Variants in LNX1 observed in about 807,000 individuals in gnomAD.
The protein encoded by LNX1 is E3 ubiquitin-protein ligase LNX.
LNX1 carries 54 observed loss-of-function variants against 68.4 expected under a neutral mutation model. That is an observed-to-expected ratio of 0.79 (90% confidence interval 0.63 to 0.99). The LOEUF is 0.99. Among genes scored for constraint, LNX1 ranks in the 50% least tolerant of loss-of-function variants. The probability of loss-of-function intolerance (pLI) is 0.00; values close to 1 mark genes in which losing one functional copy is unlikely to be tolerated. For synonymous variants in LNX1, 336 were observed against 350.0 expected (o/e 0.96, Z 0.45); for missense variants, 906 against 926.4 (o/e 0.98, Z 0.29).
chr4:53,610,539 C>G (rs1268405578), intron 2 of LNX1, among the ~76,000 whole-genome samples: 1 of 151,760 alleles, frequency 6.6e-6, no homozygotes, highest in African/African-American at 2.4e-5. Flanking sequence ...AACCCTGTCT[C>G]TACTAAAAAT....
In LNX1 at chr4:53,629,765, T is replaced by C. The variant is rs561644652; in HGVS notation, c.-215+22403A>G. Among the ~76,000 whole-genome samples the C allele has an allele frequency of 1.0e-3, 152 of 152,314 alleles. 3 individuals are homozygous for C. Among genetic ancestry groups the C allele is most frequent in the South Asian group, 2.1e-3 (10 of 4,824 alleles). On this transcript the variant is annotated intron_variant, in intron 1 of 2. Transcript: ENST00000507168. ...GCAGCTCTTCCCAGCTGATGTCACC[T>C]GGAAAATGTGGAGGCCAACACCCCT... is the stretch of plus-strand genomic sequence containing the variant.
intron 2 of LNX1, among the ~76,000 whole-genome samples, chr4:53,556,356 A>G (rs1729912572): frequency 6.6e-6 from 1 of 152,208 alleles, no homozygotes; most frequent in African/African-American, 2.4e-5. Context: ...TGACACCTTG[A>G]TTCCAAGCTT....
chr4:53,622,372 T>C (rs1170023844), upstream of LNX1, among the ~76,000 whole-genome samples: 1 of 152,220 alleles, frequency 6.6e-6, no homozygotes, highest in Non-Finnish European at 1.5e-5. Flanking sequence ...GCCTTGCATT[T>C]TAATGTCCCG....
At position 53,508,106 on chromosome 4, in the gene LNX1, C is replaced by G. The variant is rs779577868; in HGVS notation, c.502G>C (p.Ala168Pro). 9 of 1,614,130 alleles carry G rather than the reference C, an allele frequency of 5.6e-6. No homozygotes were observed. In the South Asian group the frequency reaches 9.9e-5, roughly 18 times the overall value. ...TCGTCTGTCATTAAGGAGATGGTGG[C>G]AGCTGCAGAAACCTCTGGGGAGGGA... ...TAPSPEVSAA[A>P]TISLMTDEPG... The change falls in exon 3 of 11, where the codon GCC becomes CCC. Residue 168 changes from alanine to proline, a missense_variant. Ala to Pro is a conservative substitution (Grantham distance 27, BLOSUM62 -1). Coordinates refer to ENST00000263925, the MANE Select transcript of LNX1 (RefSeq NM_001126328.3).
chr4:53,592,255 A>T (rs1428290795), upstream of LNX1, among the ~76,000 whole-genome samples: 8 of 152,178 alleles, frequency 5.3e-5, no homozygotes, highest in Admixed American at 4.6e-4. Context: ...TACTGTCATT[A>T]GGCGATGTTG....
intron 1 of LNX1, among the ~76,000 whole-genome samples, chr4:53,643,646 C>A (rs1309244290): frequency 6.6e-6 from 1 of 152,200 alleles, no homozygotes; most frequent in Non-Finnish European, 1.5e-5. Context: ...CCTTTCTCCT[C>A]ATTTTCCTTC....
intron 9 of LNX1, among the ~76,000 whole-genome samples, chr4:53,474,714 T>C (rs6825364): frequency 0.56 from 85,396 of 151,858 alleles, 25,638 homozygotes; most frequent in Non-Finnish European, 0.67. Flanking sequence ...TGCCGGGATA[T>C]CATGCTTCCT....
intron 2 of LNX1, among the ~76,000 whole-genome samples, chr4:53,600,134 A>G (rs185733921): frequency 2.0e-4 from 31 of 152,282 alleles, no homozygotes; most frequent in Admixed American, 1.9e-3. Context: ...TGCTCAGTGG[A>G]TAGGAGCAAA....
At chr4:53,650,628 T>C (rs1272674966) in intron 1 of LNX1, among the ~76,000 whole-genome samples, 2 of 152,162 alleles carry the variant, frequency 1.3e-5, no homozygotes, top group African/African-American at 4.8e-5. Flanking sequence ...GATTCAAAAT[T>C]AGATCTGTCT....
intron 2 of LNX1, among the ~76,000 whole-genome samples, chr4:53,536,597 TC>T (rs1280183465): frequency 1.3e-5 from 2 of 152,222 alleles, no homozygotes; most frequent in Non-Finnish European, 2.9e-5. Context: ...GGCCTCTGTG[TC>T]CCTGGTTTGG....
intron 1 of LNX1, among the ~76,000 whole-genome samples, chr4:53,626,938 A>G (rs971623976): frequency 7.2e-5 from 11 of 152,342 alleles, no homozygotes; most frequent in African/African-American, 2.6e-4. Context: ...AAGCCTGGGA[A>G]GACTGAACCT....
At chr4:53,564,760 A>ACAGTGGGCGCAGGT (rs1730529318) in intron 2 of LNX1, among the ~76,000 whole-genome samples, 1 of 152,080 alleles carries the variant, frequency 6.6e-6, no homozygotes. Flanking sequence ...GGAGTGCCAG[A>ACAGTGGGCGCAGGT]CAGTGGGCGC....
intron 5 of LNX1, among the ~76,000 whole-genome samples, chr4:53,498,263 T>A (rs1369093509): frequency 6.6e-6 from 1 of 152,142 alleles, no homozygotes; most frequent in Admixed American, 6.5e-5. Context: ...AGAAAATATA[T>A]GTCCCAGTTT....
At chr4:53,566,915 T>TA (rs1256310938) in intron 2 of LNX1, among the ~76,000 whole-genome samples, 2 of 152,024 alleles carry the variant, frequency 1.3e-5, no homozygotes, top group Non-Finnish European at 2.9e-5. Context: ...TACATAATGG[T>TA]AAAGGGATCA....
chr4:53,556,198 A>G (rs553149957), intron 2 of LNX1, among the ~76,000 whole-genome samples: 1 of 152,296 alleles, frequency 6.6e-6, no homozygotes, highest in East Asian at 1.9e-4. Context: ...GAGGACACTG[A>G]GGAGAAGGAC....
At chr4:53,508,922 C>CA (rs1190390727) in intron 2 of LNX1, among the ~76,000 whole-genome samples, 1 of 133,538 alleles carries the variant, frequency 7.5e-6, no homozygotes, top group African/African-American at 2.8e-5. Context: ...TGTCTCTACC[C>CA]ATTCACTATC....
intron 2 of LNX1, chr4:53,558,145 T>C (rs1730049769): frequency 1.4e-6 from 2 of 1,403,110 alleles, no homozygotes; most frequent in Non-Finnish European, 1.9e-6. Flanking sequence ...AAGAAGATTA[T>C]GCTCTCTGAT....
chr4:53,541,453 G>C (rs1022810741), intron 2 of LNX1, among the ~76,000 whole-genome samples: 21 of 152,120 alleles, frequency 1.4e-4, no homozygotes, highest in African/African-American at 4.6e-4. Context: ...TTCTAAGACT[G>C]ATCTAATCAG....
At chr4:53,576,065 T>A in intron 1 of LNX1, 2 of 1,558,370 alleles carry the variant, frequency 1.3e-6, no homozygotes, top group Non-Finnish European at 1.7e-6. Context: ...GAACTCTGCA[T>A]CCCCCAAGAC....
Sources: allele counts gnomAD v4.1 joint callset (sites outside exome capture counted in the v4.1 genomes callset), GRCh38; gene constraint gnomAD v4.1.1; transcripts MANE v1.5; gene names NCBI Gene and HGNC (gene_info 2026-07-23, HGNC 2026-07-21).